UPRT: variants seen among roughly 807,000 people sequenced by gnomAD.
UPRT encodes RP11-311P8.3.
A neutral mutation model predicts 22.6 loss-of-function variants in UPRT; 5 were observed. The ratio of observed to expected loss-of-function variants is 0.22; its 90% CI spans 0.12 to 0.47. The LOEUF is 0.47. UPRT is among the 20% of genes least tolerant of loss of function. The probability of loss-of-function intolerance (pLI) is 0.99; values close to 1 mark genes in which losing one functional copy is unlikely to be tolerated. For missense variants in UPRT, 181 were observed against 239.9 expected, an observed-to-expected ratio of 0.75 and a Z score of 1.62; for synonymous variants, 77 against 87.7, an observed-to-expected ratio of 0.88 and a Z score of 0.68.
chrX:75,236,750 A>T (rs1399081640), intron 4 of UPRT, among the ~76,000 whole-genome samples: 1 of 112,666 alleles, frequency 8.9e-6, no homozygotes, highest in Non-Finnish European at 1.9e-5. Context: ...AGCCAGATGT[A>T]GAAAGCTGAA....
chrX:75,208,360 G>A (rs1168343745), intron 4 of UPRT, among the ~76,000 whole-genome samples: 1 of 111,692 alleles, frequency 9.0e-6, no homozygotes, highest in Non-Finnish European at 1.9e-5. Flanking sequence ...CTAGTCCTTG[G>A]TGAGGGCCTG....
At chrX:75,229,897 G>A (rs911379358) in intron 4 of UPRT, among the ~76,000 whole-genome samples, 1 of 112,215 alleles carries the variant, frequency 8.9e-6, no homozygotes, top group African/African-American at 3.2e-5. Context: ...CAGGGTTAGG[G>A]AGAGGTGAAC....
chrX:75,259,730 A>C (rs1003261099), intron 4 of UPRT, among the ~76,000 whole-genome samples: 15 of 111,241 alleles, frequency 1.3e-4, no homozygotes, highest in Non-Finnish European at 2.4e-4. Context: ...AAGACATGCC[A>C]ACATTCAAAT....
rs1895027800 is a variant in UPRT, at chrX:75,237,971, A to T, written c.-446-53053A>T. On this transcript the variant is annotated intron_variant, in intron 4 of 13. Transcript: ENST00000652605. ...AACAATAATAAAAAAAGGAATGTTA[A>T]AAAGAATCCTAGATCTTGAAACGAA... Among the ~76,000 whole-genome samples, 3 of 111,566 alleles carry T rather than the reference A, an allele frequency of 2.7e-5. No individual in the cohort carries two copies. The Admixed American group carries it at 2.9e-4, about 11-fold the overall frequency.
At chrX:75,179,108 A>G (rs761944113) in intron 4 of UPRT, among the ~76,000 whole-genome samples, 53 of 111,954 alleles carry the variant, frequency 4.7e-4, no homozygotes, top group Admixed American at 1.2e-3. Flanking sequence ...TGGTGCATTC[A>G]TAAACCTTGA....
chrX:75,221,897 G>A (rs889024194), intron 4 of UPRT, among the ~76,000 whole-genome samples: 1 of 111,607 alleles, frequency 9.0e-6, no homozygotes, highest in African/African-American at 3.3e-5. Context: ...AACAGTTTCT[G>A]GACACTGAGT....
At chrX:75,238,315 C>G (rs1027326678) in intron 4 of UPRT, among the ~76,000 whole-genome samples, 1 of 111,152 alleles carries the variant, frequency 9.0e-6, no homozygotes, top group Admixed American at 9.7e-5. Context: ...ACACCCACAG[C>G]AAGCAGGAGT....
intron 4 of UPRT, among the ~76,000 whole-genome samples, chrX:75,260,577 A>G (rs749766783): frequency 1.8e-5 from 2 of 112,369 alleles, no homozygotes; most frequent in Non-Finnish European, 3.8e-5. Flanking sequence ...TATGCACTGA[A>G]TACAGGAGCA....
chrX:75,253,053 G>C (rs2082537056), intron 4 of UPRT, among the ~76,000 whole-genome samples: 1 of 110,815 alleles, frequency 9.0e-6, no homozygotes, highest in Non-Finnish European at 1.9e-5. Context: ...GGGGTTGGAG[G>C]AGGGGGGAGG....
At chrX:75,233,145 G>A (rs1446655778) in intron 4 of UPRT, among the ~76,000 whole-genome samples, 1 of 111,659 alleles carries the variant, frequency 9.0e-6, no homozygotes, top group Non-Finnish European at 1.9e-5. Context: ...GAATGCAGAA[G>A]CCCCAGGAGC....
At chrX:75,156,926 C>CACACACACACACACAGAG (rs748263766) in intron 1 of UPRT, among the ~76,000 whole-genome samples, 144 of 108,980 alleles carry the variant, frequency 1.3e-3, no homozygotes, top group African/African-American at 4.4e-3. Context: ...CACACACACA[C>CACACACACACACACAGAG]AGAGAGACTA....
chrX:75,204,696 G>T (rs980888432), intron 4 of UPRT, among the ~76,000 whole-genome samples: 3 of 112,060 alleles, frequency 2.7e-5, no homozygotes, highest in African/African-American at 9.7e-5. Context: ...TAGGGCAGAA[G>T]GATATAGGTT....
intron 4 of UPRT, among the ~76,000 whole-genome samples, chrX:75,182,316 C>T (rs2082272932): frequency 9.0e-6 from 1 of 111,508 alleles, no homozygotes; most frequent in Admixed American, 9.5e-5. Context: ...CTGAAGTTTT[C>T]TTTTATTTGG....
intron 4 of UPRT, among the ~76,000 whole-genome samples, chrX:75,242,720 A>C (rs958768788): frequency 9.0e-6 from 1 of 111,223 alleles, no homozygotes. Flanking sequence ...AACATATTGC[A>C]TAGAAAATAG....
chrX:75,264,681 C>T (rs1044527795), intron 4 of UPRT, among the ~76,000 whole-genome samples: 3 of 111,486 alleles, frequency 2.7e-5, no homozygotes, highest in African/African-American at 9.8e-5. Flanking sequence ...AACATTTAGC[C>T]CATTTACATT....
intron 4 of UPRT, among the ~76,000 whole-genome samples, chrX:75,230,070 G>A (rs1332464101): frequency 8.9e-6 from 1 of 111,889 alleles, no homozygotes; most frequent in East Asian, 2.8e-4. Flanking sequence ...TGCTATTGGT[G>A]GGGCACAGTG....
chrX:75,298,887 C>T (rs921358160), intron 4 of UPRT, among the ~76,000 whole-genome samples: 1 of 112,386 alleles, frequency 8.9e-6, no homozygotes, highest in Non-Finnish European at 1.9e-5. Context: ...TGGTGATGTA[C>T]AGCATTGCTT....
chrX:75,178,758 T>A (rs781307370), intron 4 of UPRT, among the ~76,000 whole-genome samples: 1 of 111,098 alleles, frequency 9.0e-6, no homozygotes, highest in African/African-American at 3.3e-5. Context: ...GCGGTGAGTG[T>A]TACAGCTCAT....
intron 4 of UPRT, among the ~76,000 whole-genome samples, chrX:75,170,641 GT>G (rs913397716): frequency 9.0e-6 from 1 of 110,704 alleles, no homozygotes; most frequent in South Asian, 3.9e-4. Flanking sequence ...TGAATACCTT[GT>G]TTTTTTTATT....
Sources: allele counts gnomAD v4.1 joint callset (sites outside exome capture counted in the v4.1 genomes callset), GRCh38; gene constraint gnomAD v4.1.1; transcripts MANE v1.5; gene names NCBI Gene and HGNC (gene_info 2026-07-23, HGNC 2026-07-21).